SLC6A3: variants seen among roughly 807,000 people sequenced by gnomAD.
The protein encoded by SLC6A3 is sodium-dependent dopamine transporter.
SLC6A3 carries 19 observed loss-of-function variants against 70.4 expected under a neutral mutation model. That is an observed-to-expected ratio of 0.27 (90% confidence interval 0.19 to 0.40). The LOEUF (loss-of-function observed/expected upper bound fraction) is 0.40, where lower values mean the gene tolerates loss of function less well. SLC6A3 is among the 10% of genes least tolerant of loss of function. The pLI, the probability that SLC6A3 is intolerant of heterozygous loss-of-function variation, is 1.00. For missense variants in SLC6A3, 613 were observed against 838.5 expected, an observed-to-expected ratio of 0.73 and a Z score of 3.32; for synonymous variants, 368 against 356.6, an observed-to-expected ratio of 1.03 and a Z score of -0.36.
At position 1,411,231 on chromosome 5, in the gene SLC6A3, C is replaced by A. The variant is rs367687282; in HGVS notation, c.1269+12G>T. 1.1e-5 allele frequency: 17 copies of A among 1,528,378 alleles called. No homozygotes were observed. The highest frequency in any genetic ancestry group is 2.5e-5 in the East Asian group (1 of 40,814). The allele number at this position is 1,528,378 out of a possible 1,614,324, so 94.7% of individuals were successfully genotyped here. A position where few individuals can be genotyped will look rare whatever the true frequency, so the allele number is the denominator to read the frequency against. On this transcript the variant is annotated intron_variant, in intron 9 of 14. Transcript: ENST00000270349. The surrounding 1 kb of genome is among the most constrained non-coding windows in gnomAD (Gnocchi z 6.5). Reference sequence around the variant, plus strand: ...CTGCCGAGGACAGGGCCGGGCGGTGCGGGTTACTCACGGCGCTGTCGATAC... The same window carrying A: ...CTGCCGAGGACAGGGCCGGGCGGTGAGGGTTACTCACGGCGCTGTCGATAC...
chr5:1,422,998 A>C (rs1443011619), intron 4 of SLC6A3, among the ~76,000 whole-genome samples: 2 of 68,354 alleles, frequency 2.9e-5, no homozygotes, highest in East Asian at 6.2e-4. Context: ...CTGGGTACCC[A>C]CTGCTGCCCA....
At position 1,420,361 on chromosome 5, in the gene SLC6A3, C is replaced by T. The variant is rs28382245; in HGVS notation, c.927+208G>A. On this transcript the variant is annotated intron_variant, in intron 6 of 14. Transcript: ENST00000270349. ...TTATGTCTTCTTTTGCTGACCAAAG[C>T]TGCAGCCTGAGTCTAGATGGAGTTT... Among the ~76,000 whole-genome samples, 41,085 of 152,176 alleles carry T rather than the reference C, an allele frequency of 0.27. 7,256 individuals are homozygous for T. The highest frequency in any genetic ancestry group is 0.4 in the Non-Finnish European group (27,494 of 67,974).
rs1159370957 is a variant in SLC6A3 at position 1,437,733 on chromosome 5, G to A, written c.418+3626C>T. On this transcript the variant is annotated intron_variant, in intron 3 of 14. Transcript: ENST00000270349. This position sits in a 1 kb window ranked among gnomAD's most constrained non-coding sequence, Gnocchi z 4.8. Reference sequence around the variant, plus strand: ...GCAGGGAGCAGCTCGCAGGTCTGCAGGAGGGGAAGGGCCAGGAACAACCAG... The same window carrying A: ...GCAGGGAGCAGCTCGCAGGTCTGCAAGAGGGGAAGGGCCAGGAACAACCAG... 2.0e-5 allele frequency among the ~76,000 whole-genome samples: 3 copies of A among 152,222 alleles called. No individual in the cohort carries two copies. The highest frequency in any genetic ancestry group is 7.2e-5 in the African/African-American group (3 of 41,466).
chr5:1,439,090 C>T (rs931042792), intron 3 of SLC6A3, among the ~76,000 whole-genome samples: 4 of 152,344 alleles, frequency 2.6e-5, no homozygotes, highest in Non-Finnish European at 2.9e-5. Flanking sequence ...TTCACTGCAA[C>T]GCCGGATTTG....
chr5:1,442,852 C>G lies in SLC6A3; in HGVS notation c.286+60G>C, dbSNP rs943982802. 3.8e-6 allele frequency: 6 copies of G among 1,572,392 alleles called. No individual in the cohort carries two copies. The Middle Eastern group carries it at 5.0e-4, about 131-fold the overall frequency. On this transcript the variant is annotated intron_variant, in intron 2 of 14. Transcript: ENST00000270349. The surrounding 1 kb of genome is among the most constrained non-coding windows in gnomAD (Gnocchi z 5.0). ...CTCGTTTCCGTACGTGCCTTGGCCCCGGCTGCCCCTACGACCCCCGCCCGG... is the reference window on the plus strand; with the variant it reads ...CTCGTTTCCGTACGTGCCTTGGCCCGGGCTGCCCCTACGACCCCCGCCCGG...
intron 6 of SLC6A3, among the ~76,000 whole-genome samples, chr5:1,419,296 C>T (rs1354322191): frequency 6.6e-6 from 1 of 150,768 alleles, no homozygotes; most frequent in Non-Finnish European, 1.5e-5. Context: ...ATCATCCATC[C>T]ATCCTATCCA....
intron 4 of SLC6A3, among the ~76,000 whole-genome samples, chr5:1,431,047 T>A (rs968044890): frequency 1.3e-5 from 2 of 152,202 alleles, no homozygotes; most frequent in South Asian, 4.2e-4. Context: ...ACACTGGATC[T>A]GGGGAGAATC....
chr5:1,420,781 G>C, intron 5 of SLC6A3, 78 bp from the exon 6 acceptor site: 1 of 1,544,906 alleles, frequency 6.5e-7, no homozygotes, highest in Non-Finnish European at 8.9e-7. Context: ...AGGGCACCGG[G>C]TTGCCCTGAC....
At position 1,438,809 on chromosome 5, in the gene SLC6A3, A is replaced by G. The variant is rs557757031; in HGVS notation, c.418+2550T>C. Among the ~76,000 whole-genome samples, 1 of 152,318 alleles carries G rather than the reference A, an allele frequency of 6.6e-6. No homozygotes were observed. The highest frequency in any genetic ancestry group is 1.5e-5 in the Non-Finnish European group (1 of 68,014). ...CCAGGGTGGCTCTTGAAAATCCAGC[A>G]AAGCACAGTTGGATGTCGCTGCAGC... On this transcript the variant is annotated intron_variant, in intron 3 of 14. Transcript: ENST00000270349. The surrounding 1 kb of genome is among the most constrained non-coding windows in gnomAD (Gnocchi z 6.5).
At chr5:1,441,260 G>T in intron 3 of SLC6A3, 99 bp downstream of exon 3, 1 of 1,469,436 alleles carries the variant, frequency 6.8e-7, no homozygotes, top group Non-Finnish European at 9.5e-7. Flanking sequence ...AGCAAAGCAG[G>T]GCTGGATGCC....
At position 1,406,543 on chromosome 5, in the gene SLC6A3, G is replaced by T. The variant is rs937929787; in HGVS notation, c.1499-255C>A. 6.6e-6 allele frequency among the ~76,000 whole-genome samples: 1 copy of T among 152,126 alleles called. No homozygotes were observed. The highest frequency in any genetic ancestry group is 1.5e-5 in the Non-Finnish European group (1 of 68,016). The stretch of plus-strand genomic sequence containing the variant: ...CCGTGCCCCGGTGGGTGCTCCCCGC[G>T]CCCCGGCAACAGCCCCTCGGGTCCT... On this transcript the variant is annotated intron_variant, in intron 11 of 14. Transcript: ENST00000270349. This position sits in a 1 kb window ranked among gnomAD's most constrained non-coding sequence, Gnocchi z 8.8.
At chr5:1,410,772 G>T (rs969877760) in intron 9 of SLC6A3, among the ~76,000 whole-genome samples, 5 of 152,162 alleles carry the variant, frequency 3.3e-5, no homozygotes, top group Non-Finnish European at 7.4e-5. Flanking sequence ...TTGGTGGCTG[G>T]GGCCCTGCTA....
rs1006388658 is a variant in SLC6A3, at chr5:1,394,818, G to T, written c.1840-60C>A. The T allele has an allele frequency of 6.3e-7, 1 of 1,592,804 alleles. No individual in the cohort carries two copies. Among genetic ancestry groups the T allele is most frequent in the Non-Finnish European group, 8.6e-7 (1 of 1,162,652 alleles). On this transcript the variant is annotated intron_variant, in intron 14 of 14. Coordinates refer to ENST00000270349, the MANE Select transcript of SLC6A3 (RefSeq NM_001044.5). This position sits in a 1 kb window ranked among gnomAD's most constrained non-coding sequence, Gnocchi z 4.7. ...GGCGATGCCCCATTTAAGAGCAGCT[G>T]AAGGTGGCTAAGAGCAGCTGAAGGC...
Position 1,396,106 on chromosome 5 carries a change from C to T in SLC6A3, c.1840-1348G>A, listed in dbSNP as rs902158339. ...ATTTCACAAGAAACAGCAGAGCACA[C>T]GCAGCTTCCAGAGATGAAGTAGAAA... is the stretch of plus-strand genomic sequence containing the variant. On this transcript the variant is annotated intron_variant, in intron 14 of 14. Transcript: ENST00000270349. This position sits in a 1 kb window ranked among gnomAD's most constrained non-coding sequence, Gnocchi z 7.0. Among the ~76,000 whole-genome samples, 14 of 152,134 alleles carry T rather than the reference C, an allele frequency of 9.2e-5. No individual in the cohort carries two copies. The highest frequency in any genetic ancestry group is 2.0e-4 in the Admixed American group (3 of 15,284).
Position 1,409,013 on chromosome 5 carries a change from C to A in SLC6A3, c.1498+13G>T, listed in dbSNP as rs558546637. On this transcript the variant is annotated intron_variant, in intron 11 of 14. Transcript: ENST00000270349. ...AAGAGGGTGCCGGCTTGGCTGCCTT[C>A]CCCCGGACTCACCATAGAACCAGGC... is the stretch of plus-strand genomic sequence containing the variant. 15 of 1,595,008 alleles carry A rather than the reference C, an allele frequency of 9.4e-6. 1 individual carries two copies. Among genetic ancestry groups the A allele is most frequent in the African/African-American group, 8.0e-5 (6 of 74,698 alleles).
In SLC6A3 at chr5:1,400,931, T is replaced by G; in HGVS notation, c.1823A>C (p.Glu608Ala). The change falls in exon 14 of 15, where the codon GAG becomes GCG. Residue 608 changes from glutamate to alanine, a missense_variant. By Grantham distance (107) the Glu-to-Ala change is moderately radical. Transcript: ENST00000270349. ...EKDRELVDRGEVRQFTLRHWL... is the reference protein window; with the variant it reads ...EKDRELVDRGAVRQFTLRHWL... ...CGACCTCACCGTGAACTGGCGCACC[T>G]CCCCTCTGTCCACCAGCTCACGGTC... is the stretch of plus-strand genomic sequence containing the variant. 6.3e-7 allele frequency: 1 copy of G among 1,590,162 alleles called. No homozygotes were observed.
In SLC6A3 at chr5:1,402,835, G is replaced by A; in HGVS notation, c.1767+87C>T. The A allele has an allele frequency of 1.5e-6, 2 of 1,343,070 alleles. No homozygotes were observed. Among genetic ancestry groups the A allele is most frequent in the Admixed American group, 1.9e-5 (1 of 53,112 alleles). 83.2% of individuals were successfully genotyped at this position (1,343,070 alleles called of 1,614,324 possible). On this transcript the variant is annotated intron_variant, in intron 13 of 14. Coordinates refer to ENST00000270349, the MANE Select transcript of SLC6A3 (RefSeq NM_001044.5). The surrounding 1 kb of genome is among the most constrained non-coding windows in gnomAD (Gnocchi z 8.5). ...CCTCCTCTTGGTCACAGATGACCCA[G>A]GCAGGTGAGGACTGGGGCCATGGAC...
chr5:1,414,851 T>C (rs1036371043), intron 7 of SLC6A3, 36 bp from the exon 8 acceptor site: 1 of 1,612,334 alleles, frequency 6.2e-7, no homozygotes, highest in Non-Finnish European at 8.5e-7. Flanking sequence ...AGGAACCAGC[T>C]GAGCTGCAGC....
chr5:1,408,969 AG>A lies in SLC6A3; in HGVS notation c.1498+56del. On this transcript the variant is annotated intron_variant, in intron 11 of 14. Transcript: ENST00000270349. The surrounding 1 kb of genome is among the most constrained non-coding windows in gnomAD (Gnocchi z 6.4). ...CTCACGGAGCCTTTTTCAGAAGGGG[AG>A]TGGCACAGCCACCAAACAAGAGGGT... 1.7e-6 allele frequency: 2 copies of A among 1,206,374 alleles called. No homozygotes were observed. The highest frequency in any genetic ancestry group is 2.0e-4 in the Middle Eastern group (1 of 4,918). 74.7% of individuals were successfully genotyped at this position (1,206,374 alleles called of 1,614,324 possible). A position where few individuals can be genotyped will look rare whatever the true frequency, so the allele number is the denominator to read the frequency against.
Sources: allele counts gnomAD v4.1 joint callset (sites outside exome capture counted in the v4.1 genomes callset), GRCh38; gene constraint gnomAD v4.1.1; non-coding constraint Gnocchi (gnomAD v3.1); transcripts MANE v1.5; gene names NCBI Gene and HGNC (gene_info 2026-07-23, HGNC 2026-07-21).